Variants in GLB1L3 observed in about 807,000 individuals in gnomAD.
GLB1L3 encodes the protein galactosidase beta 1 like 3, also known as beta-galactosidase-1-like protein 3.
Under a neutral mutation model 89.5 loss-of-function variants are expected in GLB1L3, and 89 were observed. That is an observed-to-expected ratio of 0.99 (90% CI 0.84 to 1.19). GLB1L3 has a LOEUF of 1.19. Among genes scored for constraint, GLB1L3 ranks in the 50% most tolerant of loss-of-function variants. The probability of loss-of-function intolerance (pLI) is 0.00; values close to 1 mark genes in which losing one functional copy is unlikely to be tolerated. For synonymous variants in GLB1L3, 314 were observed against 312.3 expected (o/e 1.01, Z -0.06); for missense variants, 812 against 813.3 (o/e 1.00, Z 0.02).
chr11:134,314,171 G>A (rs1591593716), intron 17 of GLB1L3, 143 bp downstream of exon 17: 5 of 737,748 alleles, frequency 6.8e-6, no homozygotes, highest in Non-Finnish European at 1.2e-5. Context: ...CAGAACTAGG[G>A]CCCTGGAACA....
At chr11:134,285,149 T>C (rs1004218206) in intron 6 of GLB1L3, among the ~76,000 whole-genome samples, 10 of 151,976 alleles carry the variant, frequency 6.6e-5, no homozygotes, top group African/African-American at 2.4e-4. Context: ...AGGATGGTCT[T>C]GATCTCCTGA....
At chr11:134,280,508 T>TC (rs1940625847) in intron 3 of GLB1L3, among the ~76,000 whole-genome samples, 1 of 152,236 alleles carries the variant, frequency 6.6e-6, no homozygotes, top group Non-Finnish European at 1.5e-5. Context: ...TTCTTCTTTT[T>TC]CTTTTTTTGC....
upstream of GLB1L3, chr11:134,275,927 T>G (rs1940353033): frequency 6.6e-6 from 1 of 152,456 alleles, no homozygotes; most frequent in South Asian, 2.1e-4. Flanking sequence ...CCTGTTCTCA[T>G]CCAGCCTCCA....
chr11:134,297,497 G>A (rs1434662282), intron 9 of GLB1L3, among the ~76,000 whole-genome samples: 1 of 150,564 alleles, frequency 6.6e-6, no homozygotes, highest in Non-Finnish European at 1.5e-5. Context: ...ATAATTTTTT[G>A]ATTCCATTTT....
At position 134,294,454 on chromosome 11, in the gene GLB1L3, T is replaced by TC. The variant is rs1311735488; in HGVS notation, c.876+1246dup. Among the ~76,000 whole-genome samples, 137 of 152,374 alleles carry TC rather than the reference T, an allele frequency of 9.0e-4. 1 individual carries two copies. The highest frequency in any genetic ancestry group is 3.0e-3 in the African/African-American group (124 of 41,592). ...TGGATCTGTGGCTATCTCTAGTTTT[T>TC]CAATACCTTTGCTAAGTCTTCTTCC... On this transcript the variant is annotated intron_variant, in intron 9 of 19. Coordinates refer to ENST00000431683, the MANE Select transcript of GLB1L3 (RefSeq NM_001080407.3).
intron 1 of GLB1L3, 36 bp from the exon 2 acceptor site, chr11:134,277,290 C>G (rs1458785053): frequency 6.2e-7 from 1 of 1,613,452 alleles, no homozygotes; most frequent in Non-Finnish European, 8.5e-7. Context: ...GGGGCCGGAA[C>G]CTTCCCCTTG....
chr11:134,299,341 T>G (rs575053448), intron 9 of GLB1L3, among the ~76,000 whole-genome samples: 5 of 152,246 alleles, frequency 3.3e-5, no homozygotes, highest in South Asian at 2.1e-4. Flanking sequence ...AGTGTGTTCT[T>G]TTCTTGCCTT....
At chr11:134,297,123 G>T (rs1484591905) in intron 9 of GLB1L3, among the ~76,000 whole-genome samples, 4 of 152,026 alleles carry the variant, frequency 2.6e-5, no homozygotes, top group Non-Finnish European at 5.9e-5. Flanking sequence ...TTTGTTGGAA[G>T]CTTGGCCGCT....
chr11:134,311,236 GA>G (rs1942718675), intron 13 of GLB1L3, 66 bp downstream of exon 13: 2 of 1,188,356 alleles, frequency 1.7e-6, no homozygotes, highest in Non-Finnish European at 2.5e-6. Flanking sequence ...ATTCCTTCAG[GA>G]AACTTTTTAT....
At chr11:134,285,752 A>G (rs1258861697) in intron 6 of GLB1L3, among the ~76,000 whole-genome samples, 3 of 152,154 alleles carry the variant, frequency 2.0e-5, no homozygotes, top group Non-Finnish European at 4.4e-5. Flanking sequence ...AGCCTGGGTG[A>G]CAGAGCAAGA....
At position 134,288,787 on chromosome 11, in the gene GLB1L3, T is replaced by A. The variant is rs477832; in HGVS notation, c.637-11T>A. 3 of 1,608,268 alleles carry A rather than the reference T, an allele frequency of 1.9e-6. No individual in the cohort carries two copies. The East Asian group carries it at 6.7e-5, about 36-fold the overall frequency. ...GCCTCACTCTTTAACCCTCCTATGC[T>A]TGTTTCTCAGTACCGCCAGGCAGGC... On this transcript the variant is annotated splice_polypyrimidine_tract_variant and intron_variant, in intron 6 of 19. Transcript: ENST00000431683.
At chr11:134,314,273 TG>T in intron 17 of GLB1L3, 56 bp from the exon 18 acceptor site, 2 of 1,257,280 alleles carry the variant, frequency 1.6e-6, no homozygotes, top group Non-Finnish European at 2.2e-6. Flanking sequence ...GGGTGGGTAC[TG>T]GGAACTGGGT....
intron 10 of GLB1L3, 105 bp from the exon 11 acceptor site, chr11:134,309,521 T>C: frequency 2.8e-6 from 2 of 721,696 alleles, no homozygotes; most frequent in East Asian, 2.9e-5. Flanking sequence ...GAGGAGTTAC[T>C]GTAACTGATT....
rs1163188938 is a variant in GLB1L3, at chr11:134,277,859, C to CT, written c.310dup (p.Trp104LeufsTer26). Reference sequence around the variant, plus strand: ...ACTATTTCCGGGTGCCCAGGGAGTACTGGAGGGACCGCCTGCTGAAGCTGA... The same window carrying CT: ...ACTATTTCCGGGTGCCCAGGGAGTACTTGGAGGGACCGCCTGCTGAAGCTGA... On this transcript the variant is annotated frameshift_variant, in exon 3 of 20. Transcript: ENST00000431683. LOFTEE classifies it high-confidence loss of function. 1.2e-6 allele frequency: 2 copies of CT among 1,613,966 alleles called. No homozygotes were observed. Among genetic ancestry groups the CT allele is most frequent in the East Asian group, 4.5e-5 (2 of 44,880 alleles).
Position 134,281,389 on chromosome 11 carries a change from G to A in GLB1L3, c.375G>A (p.Trp125Ter), listed in dbSNP as rs550228630. The stretch of plus-strand genomic sequence containing the variant: ...TCACCTCTTCTAGCTATGTTCCGTG[G>A]AACCTGCATGAGCCAGAAAGAGGCA... ...GFNTVTTYVP[W>*]NLHEPERGKF... Residue 125 changes from tryptophan to a stop codon, truncating the protein, a stop_gained, in exon 4 of 20, where the codon TGG becomes TGA. Transcript: ENST00000431683. LOFTEE classifies it high-confidence loss of function. The A allele has an allele frequency of 7.4e-6, 12 of 1,614,130 alleles. No homozygotes were observed. The East Asian group carries it at 2.5e-4, about 33-fold the overall frequency.
At chr11:134,313,882 C>A in intron 16 of GLB1L3, 59 bp from the exon 17 acceptor site, 2 of 1,094,690 alleles carry the variant, frequency 1.8e-6, no homozygotes, top group African/African-American at 1.5e-5. Flanking sequence ...GTCCCAGATG[C>A]TAGAGAATAT....
intron 6 of GLB1L3, among the ~76,000 whole-genome samples, chr11:134,287,686 C>T (rs1941098231): frequency 6.6e-6 from 1 of 152,240 alleles, no homozygotes; most frequent in Non-Finnish European, 1.5e-5. Context: ...GTGGTCACTG[C>T]TGGGTGTACC....
intron 1 of GLB1L3, 70 bp downstream of exon 1, chr11:134,276,833 C>G: frequency 7.8e-7 from 1 of 1,278,874 alleles, no homozygotes; most frequent in Non-Finnish European, 9.9e-7. Flanking sequence ...TCCACCCTCC[C>G]CGGGTTCTGT....
chr11:134,281,676 G>C (rs1332816089), intron 4 of GLB1L3, among the ~76,000 whole-genome samples: 1 of 121,926 alleles, frequency 8.2e-6, no homozygotes, highest in African/African-American at 2.8e-5. Flanking sequence ...CAGCCCAGAG[G>C]GGCAGAAGAC....
Sources: allele counts gnomAD v4.1 joint callset (sites outside exome capture counted in the v4.1 genomes callset), GRCh38; gene constraint gnomAD v4.1.1; transcripts MANE v1.5; gene names NCBI Gene and HGNC (gene_info 2026-07-23, HGNC 2026-07-21).